Variants in PCDH9 observed in about 807,000 individuals in gnomAD.
PCDH9 encodes the protein protocadherin 9.
In PCDH9, 24 loss-of-function variants were observed where a neutral mutation model predicts 70.6. The observed-to-expected ratio is 0.34, with a 90% confidence interval of 0.25 to 0.48. PCDH9 has a LOEUF of 0.48. Ranked by LOEUF, PCDH9 falls within the 20% of genes least tolerant of loss-of-function variation. The pLI, the probability that PCDH9 is intolerant of heterozygous loss-of-function variation, is 0.99. For missense variants in PCDH9, 1,281 were observed against 1,503.6 expected, an observed-to-expected ratio of 0.85 and a Z score of 2.45; for synonymous variants, 562 against 558.5, an observed-to-expected ratio of 1.01 and a Z score of -0.09.
At chr13:66,368,282 C>T (rs1415234454) in intron 4 of PCDH9, among the ~76,000 whole-genome samples, 1 of 151,692 alleles carries the variant, frequency 6.6e-6, no homozygotes, top group Non-Finnish European at 1.5e-5. Flanking sequence ...GTTCCTTTTA[C>T]CAAGAGATAC....
At chr13:66,751,337 G>A (rs2079455092) in intron 3 of PCDH9, among the ~76,000 whole-genome samples, 1 of 151,962 alleles carries the variant, frequency 6.6e-6, no homozygotes, top group Non-Finnish European at 1.5e-5. Context: ...AATTGAGCAA[G>A]GGGTCTATAA....
At chr13:67,176,490 C>T (rs1054242279) in intron 2 of PCDH9, among the ~76,000 whole-genome samples, 5 of 151,394 alleles carry the variant, frequency 3.3e-5, no homozygotes, top group African/African-American at 1.2e-4. Flanking sequence ...CTTATTAAAG[C>T]ACCCTTTGAA....
At chr13:67,153,202 T>C (rs2325024) in intron 2 of PCDH9, among the ~76,000 whole-genome samples, 31,960 of 151,666 alleles carry the variant, frequency 0.21, 3,655 homozygotes, top group Admixed American at 0.25. Context: ...CTCTCCGTCC[T>C]GCAGTCTAGA....
At chr13:67,168,245 A>G (rs1056802171) in intron 2 of PCDH9, among the ~76,000 whole-genome samples, 6 of 152,184 alleles carry the variant, frequency 3.9e-5, no homozygotes, top group African/African-American at 1.4e-4. Context: ...ATTTCAATAT[A>G]TAATCCCTCT....
At chr13:66,776,383 T>C (rs1411515162) in intron 3 of PCDH9, among the ~76,000 whole-genome samples, 3 of 150,698 alleles carry the variant, frequency 2.0e-5, no homozygotes, top group African/African-American at 4.9e-5. Context: ...GAAAACCCCA[T>C]TGTCTCAGCC....
intron 4 of PCDH9, among the ~76,000 whole-genome samples, chr13:66,361,634 G>A (rs1956472644): frequency 6.6e-6 from 1 of 152,046 alleles, no homozygotes; most frequent in Non-Finnish European, 1.5e-5. Context: ...TATATTTCAG[G>A]ATGCCTGCCA....
chr13:67,011,247 C>G (rs1248425545), intron 2 of PCDH9, among the ~76,000 whole-genome samples: 2 of 151,860 alleles, frequency 1.3e-5, no homozygotes, highest in Non-Finnish European at 2.9e-5. Context: ...ACGTAAACAT[C>G]AGGAAACAGA....
At chr13:66,377,282 T>A (rs774790576) in intron 4 of PCDH9, among the ~76,000 whole-genome samples, 1 of 152,194 alleles carries the variant, frequency 6.6e-6, no homozygotes, top group Non-Finnish European at 1.5e-5. Flanking sequence ...CAGAAGCACC[T>A]GGGGGGCTTG....
intron 3 of PCDH9, among the ~76,000 whole-genome samples, chr13:66,709,990 A>G (rs1039901864): frequency 6.6e-6 from 1 of 152,156 alleles, no homozygotes; most frequent in African/African-American, 2.4e-5. Context: ...ATTTTAAAAT[A>G]TCAATGGATT....
At chr13:67,119,949 G>T (rs928004) in intron 2 of PCDH9, among the ~76,000 whole-genome samples, 150,482 of 152,124 alleles carry the variant, frequency 0.99, 74,448 homozygotes, top group Middle Eastern at 1. Flanking sequence ...ACAATCGGGT[G>T]TTACAGAAAA....
chr13:66,735,386 T>C (rs945772165), intron 3 of PCDH9, among the ~76,000 whole-genome samples: 1 of 152,108 alleles, frequency 6.6e-6, no homozygotes, highest in African/African-American at 2.4e-5. Context: ...AAACTAAAGA[T>C]TGGGTACACT....
At chr13:66,832,518 A>G (rs182335807) in intron 3 of PCDH9, among the ~76,000 whole-genome samples, 1 of 152,238 alleles carries the variant, frequency 6.6e-6, no homozygotes, top group East Asian at 1.9e-4. Flanking sequence ...ACACATCTAT[A>G]TATGTGTATA....
chr13:66,540,935 C>T (rs1468361934), intron 4 of PCDH9, among the ~76,000 whole-genome samples: 2 of 152,142 alleles, frequency 1.3e-5, no homozygotes, highest in Non-Finnish European at 2.9e-5. Context: ...GCCTTGGCTG[C>T]TCATTTGTAA....
intron 4 of PCDH9, among the ~76,000 whole-genome samples, chr13:66,447,632 A>G (rs1211092230): frequency 6.6e-6 from 1 of 152,160 alleles, no homozygotes; most frequent in Admixed American, 6.5e-5. Context: ...CAAGTTTTAA[A>G]TAAAGGTTGC....
intron 3 of PCDH9, among the ~76,000 whole-genome samples, chr13:66,895,904 G>A (rs1292304201): frequency 6.6e-6 from 1 of 152,194 alleles, no homozygotes; most frequent in Admixed American, 6.5e-5. Context: ...TACATGAACA[G>A]CTGCATCACA....
At chr13:66,754,183 T>C (rs948678184) in intron 3 of PCDH9, among the ~76,000 whole-genome samples, 2 of 151,746 alleles carry the variant, frequency 1.3e-5, no homozygotes, top group African/African-American at 2.4e-5. Context: ...TGAGAACACA[T>C]AGGCACAGGG....
intron 2 of PCDH9, among the ~76,000 whole-genome samples, chr13:66,974,987 A>C (rs1341364016): frequency 6.6e-6 from 1 of 152,088 alleles, no homozygotes; most frequent in East Asian, 1.9e-4. Context: ...TGTCTATGTT[A>C]GAGATGCTTA....
At chr13:66,852,236 T>C (rs1398894408) in intron 3 of PCDH9, among the ~76,000 whole-genome samples, 3 of 152,084 alleles carry the variant, frequency 2.0e-5, no homozygotes, top group African/African-American at 4.8e-5. Context: ...ATGATGATGA[T>C]GACAGTGATG....
intron 4 of PCDH9, among the ~76,000 whole-genome samples, chr13:66,608,656 T>A (rs923347098): frequency 2.6e-5 from 4 of 151,510 alleles, no homozygotes; most frequent in Non-Finnish European, 5.9e-5. Flanking sequence ...GATGGCTCTA[T>A]CAAACTCCTC....
Sources: allele counts gnomAD v4.1 joint callset (sites outside exome capture counted in the v4.1 genomes callset), GRCh38; gene constraint gnomAD v4.1.1; transcripts MANE v1.5; gene names NCBI Gene and HGNC (gene_info 2026-07-23, HGNC 2026-07-21).